GPC3: variants seen among roughly 807,000 people sequenced by gnomAD.
The protein encoded by GPC3 is glypican-3.
A neutral mutation model predicts 34.4 loss-of-function variants in GPC3; 3 were observed. The observed-to-expected ratio is 0.09, with a 90% CI of 0.04 to 0.23. The LOEUF is 0.23. Among genes scored for constraint, GPC3 ranks in the 10% least tolerant of loss-of-function variants. GPC3 has a pLI of 1.00. For synonymous variants in GPC3, 177 were observed against 174.0 expected (o/e 1.02, Z -0.13); for missense variants, 351 against 445.6 (o/e 0.79, Z 1.91).
At chrX:133,633,866 A>G (rs1047771251) in intron 6 of GPC3, among the ~76,000 whole-genome samples, 1 of 111,898 alleles carries the variant, frequency 8.9e-6, no homozygotes, top group African/African-American at 3.2e-5. Flanking sequence ...TACTTGCTCA[A>G]AACAGTACAA....
chrX:133,756,748 C>T lies in GPC3; in HGVS notation c.338-2572G>A, dbSNP rs774153022. On this transcript the variant is annotated intron_variant, in intron 2 of 7. Coordinates refer to ENST00000370818, the MANE Select transcript of GPC3 (RefSeq NM_004484.4). ...GCAGGGGAAAAGGGCTAGGGGTTTA[C>T]TTTGAACCTCAAGCTCATATGTGCT... Among the ~76,000 whole-genome samples, 6 of 112,662 alleles carry T rather than the reference C, an allele frequency of 5.3e-5. No individual in the cohort carries two copies. In the South Asian group the frequency reaches 2.2e-3, roughly 41 times the overall value.
intron 2 of GPC3, among the ~76,000 whole-genome samples, chrX:133,866,775 T>C (rs1438334190): frequency 1.8e-5 from 2 of 111,033 alleles, no homozygotes; most frequent in Non-Finnish European, 3.8e-5. Context: ...ACTTCTCTAG[T>C]CAATCATCAA....
intron 2 of GPC3, among the ~76,000 whole-genome samples, chrX:133,825,842 C>T (rs1028642035): frequency 9.0e-6 from 1 of 111,493 alleles, no homozygotes; most frequent in Non-Finnish European, 1.9e-5. Flanking sequence ...TGAAAAGATG[C>T]CCCAATATAC....
intron 2 of GPC3, among the ~76,000 whole-genome samples, chrX:133,822,930 A>G (rs775676824): frequency 9.2e-6 from 1 of 108,623 alleles, no homozygotes; most frequent in East Asian, 2.9e-4. Context: ...GGAGTTCAAG[A>G]CCAGCCTGGC....
chrX:133,814,061 T>G (rs1321633872), intron 2 of GPC3, among the ~76,000 whole-genome samples: 1 of 111,862 alleles, frequency 8.9e-6, no homozygotes, highest in East Asian at 2.8e-4. Context: ...TCTTGCAGGC[T>G]ATTAGGGAAA....
At chrX:133,553,271 G>A (rs898181840) in intron 7 of GPC3, among the ~76,000 whole-genome samples, 4 of 111,250 alleles carry the variant, frequency 3.6e-5, no homozygotes, top group Admixed American at 9.6e-5. Context: ...AGAAGGACAG[G>A]CATCATAGAA....
rs373690687 is a variant in GPC3 at position 133,951,047 on chromosome X, AGTGTGTGTGTGTGTGT to A, written c.337+1987_337+2002del. Among the ~76,000 whole-genome samples the A allele has an allele frequency of 1.8e-4, 14 of 76,703 alleles. No individual in the cohort carries two copies. In the East Asian group the frequency reaches 2.7e-3, roughly 15 times the overall value. The allele number at this position is 76,703 out of a possible 115,157, so 66.6% of individuals were successfully genotyped here. On this transcript the variant is annotated intron_variant, in intron 2 of 7. Coordinates refer to ENST00000370818, the MANE Select transcript of GPC3 (RefSeq NM_004484.4). ...TCTGTCTATCCCCACAATTCAAGAA[AGTGTGTGTGTGTGTGT>A]GTGTGTGTGTGTGTGTGTGTGTGTG...
At chrX:133,777,573 T>C (rs934838252) in intron 2 of GPC3, among the ~76,000 whole-genome samples, 6 of 112,051 alleles carry the variant, frequency 5.4e-5, no homozygotes, top group African/African-American at 1.9e-4. Context: ...TTTATTTTCA[T>C]CTATTGTTTA....
chrX:133,919,385 A>G (rs143374146), intron 2 of GPC3, among the ~76,000 whole-genome samples: 2,782 of 112,253 alleles, frequency 0.025, 32 homozygotes, highest in East Asian at 0.086. Flanking sequence ...ATTTCATAAT[A>G]TTACCAGAAA....
At chrX:133,780,173 G>A (rs1404295057) in intron 2 of GPC3, among the ~76,000 whole-genome samples, 1 of 111,384 alleles carries the variant, frequency 9.0e-6, no homozygotes, top group Non-Finnish European at 1.9e-5. Flanking sequence ...TCTTATAAAC[G>A]TGGGATTAGA....
intron 2 of GPC3, among the ~76,000 whole-genome samples, chrX:133,833,201 T>C (rs1204308824): frequency 9.0e-6 from 1 of 111,402 alleles, no homozygotes; most frequent in East Asian, 2.8e-4. Context: ...GTGTTCAAAA[T>C]AAGTCCTAAA....
intron 2 of GPC3, among the ~76,000 whole-genome samples, chrX:133,808,217 C>T (rs1218518402): frequency 8.9e-6 from 1 of 112,142 alleles, no homozygotes; most frequent in African/African-American, 3.2e-5. Flanking sequence ...ATTAAACATA[C>T]ACCCAGGCCC....
At chrX:133,914,459 C>T (rs1460705621) in intron 2 of GPC3, among the ~76,000 whole-genome samples, 1 of 111,042 alleles carries the variant, frequency 9.0e-6, no homozygotes, top group East Asian at 2.9e-4. Context: ...TGTACTTTCT[C>T]GTCCCAGTAC....
At chrX:133,629,455 G>A (rs1347434213) in intron 6 of GPC3, among the ~76,000 whole-genome samples, 3 of 111,228 alleles carry the variant, frequency 2.7e-5, no homozygotes, top group Non-Finnish European at 5.7e-5. Context: ...GAGTGCAGTG[G>A]CACGATCTCA....
intron 6 of GPC3, among the ~76,000 whole-genome samples, chrX:133,648,177 C>T (rs750010512): frequency 3.6e-5 from 4 of 111,962 alleles, no homozygotes; most frequent in East Asian, 2.8e-4. Flanking sequence ...TTGTCCAACC[C>T]GCAGCCCACG....
At chrX:133,563,603 A>G (rs927986659) in intron 7 of GPC3, among the ~76,000 whole-genome samples, 1 of 112,267 alleles carries the variant, frequency 8.9e-6, no homozygotes, top group Non-Finnish European at 1.9e-5. Flanking sequence ...GCAATGCCAG[A>G]TCCTAGATTT....
chrX:133,841,379 T>C (rs772543794), intron 2 of GPC3, among the ~76,000 whole-genome samples: 1 of 107,217 alleles, frequency 9.3e-6, no homozygotes, highest in South Asian at 4.3e-4. Flanking sequence ...TCTAATAATT[T>C]ATTTTTGCCA....
chrX:133,974,281 C>A (rs976240587), intron 1 of GPC3, among the ~76,000 whole-genome samples: 1 of 112,064 alleles, frequency 8.9e-6, no homozygotes, highest in Non-Finnish European at 1.9e-5. Context: ...AACTCTTGGG[C>A]TCAATCAGTC....
chrX:133,706,706 G>T (rs2071222429), intron 3 of GPC3, among the ~76,000 whole-genome samples: 1 of 112,035 alleles, frequency 8.9e-6, no homozygotes, highest in Non-Finnish European at 1.9e-5. Flanking sequence ...AAAAACAACA[G>T]ATGCTGGTGA....
Sources: gnomAD v4.1 joint callset for allele counts (sites outside exome capture counted in the v4.1 genomes callset) on GRCh38, gnomAD v4.1.1 for gene constraint, MANE v1.5 for transcripts, NCBI Gene and HGNC (gene_info 2026-07-23, HGNC 2026-07-21) for gene names.